Variants in ANKS1B observed in about 807,000 individuals in gnomAD.
ANKS1B encodes ankyrin repeat and sterile alpha motif domain-containing protein 1B.
Under a neutral mutation model 148.3 loss-of-function variants are expected in ANKS1B, and 36 were observed. The ratio of observed to expected loss-of-function variants is 0.24; its 90% CI spans 0.19 to 0.32. ANKS1B has a LOEUF of 0.32. Ranked by LOEUF, ANKS1B falls within the 10% of genes least tolerant of loss-of-function variation. The pLI, the probability that ANKS1B is intolerant of heterozygous loss-of-function variation, is 1.00. For missense variants in ANKS1B, 1,157 were observed against 1,542.6 expected, an observed-to-expected ratio of 0.75 and a Z score of 4.19; for synonymous variants, 542 against 560.8, an observed-to-expected ratio of 0.97 and a Z score of 0.47.
At chr12:99,567,550 C>G (rs2097408972) in intron 9 of ANKS1B, among the ~76,000 whole-genome samples, 1 of 152,004 alleles carries the variant, frequency 6.6e-6, no homozygotes, top group Admixed American at 6.6e-5. Context: ...GCTGAACAAC[C>G]TTGGTTCAGA....
At chr12:99,339,165 G>T (rs1566922554) in intron 12 of ANKS1B, among the ~76,000 whole-genome samples, 2 of 152,138 alleles carry the variant, frequency 1.3e-5, no homozygotes, top group Non-Finnish European at 2.9e-5. Context: ...GGGCACTTTA[G>T]CCCACAGTGG....
At chr12:99,354,886 G>T (rs976138253) in intron 12 of ANKS1B, among the ~76,000 whole-genome samples, 1 of 151,970 alleles carries the variant, frequency 6.6e-6, no homozygotes, top group African/African-American at 2.4e-5. Flanking sequence ...AGTTGGGAGG[G>T]TATTAGCATA....
At chr12:99,773,673 A>T (rs1446384373) in intron 7 of ANKS1B, among the ~76,000 whole-genome samples, 1 of 152,132 alleles carries the variant, frequency 6.6e-6, no homozygotes, top group African/African-American at 2.4e-5. Flanking sequence ...TCAGAAAGAT[A>T]CCTTATACCT....
At chr12:99,522,858 T>C (rs2096888687) in intron 9 of ANKS1B, among the ~76,000 whole-genome samples, 1 of 152,162 alleles carries the variant, frequency 6.6e-6, no homozygotes, top group Non-Finnish European at 1.5e-5. Flanking sequence ...CACAATTTCA[T>C]AAAAGGCGGG....
intron 11 of ANKS1B, among the ~76,000 whole-genome samples, chr12:99,415,973 G>A (rs1374423120): frequency 1.3e-5 from 2 of 151,868 alleles, no homozygotes. Context: ...GTGAACCACC[G>A]CGCCAGGCCC....
At chr12:99,155,142 A>G in intron 14 of ANKS1B, 1 of 1,480,630 alleles carries the variant, frequency 6.8e-7, no homozygotes. Flanking sequence ...GGAAATGCGA[A>G]GCTTGAACTA....
intron 12 of ANKS1B, among the ~76,000 whole-genome samples, chr12:99,253,358 A>G (rs1457940335): frequency 6.6e-6 from 1 of 152,142 alleles, no homozygotes; most frequent in African/African-American, 2.4e-5. Context: ...CATGGAACTC[A>G]AGAACACTGA....
chr12:98,926,287 C>T (rs971027633), intron 17 of ANKS1B, among the ~76,000 whole-genome samples: 7 of 152,114 alleles, frequency 4.6e-5, no homozygotes, highest in Non-Finnish European at 1.0e-4. Context: ...AATTGGTAAG[C>T]TAACTGAGCA....
chr12:99,980,647 TAGAGA>T (rs796854867), intron 1 of ANKS1B, among the ~76,000 whole-genome samples: 20 of 151,904 alleles, frequency 1.3e-4, no homozygotes, highest in African/African-American at 2.9e-4. Flanking sequence ...AAAGAGAGAG[TAGAGA>T]AAAGTATGAA....
At chr12:98,884,543 T>C (rs2099732736) in intron 17 of ANKS1B, among the ~76,000 whole-genome samples, 1 of 152,108 alleles carries the variant, frequency 6.6e-6, no homozygotes, top group Non-Finnish European at 1.5e-5. Context: ...CTCACGCCTG[T>C]AATCCCAGCA....
At chr12:98,972,030 T>C (rs771870531) in intron 17 of ANKS1B, among the ~76,000 whole-genome samples, 1 of 152,050 alleles carries the variant, frequency 6.6e-6, no homozygotes, top group African/African-American at 2.4e-5. Flanking sequence ...TAGCCGGGCG[T>C]GGTGGCGTGC....
chr12:99,880,831 T>G (rs1191193027), intron 1 of ANKS1B, among the ~76,000 whole-genome samples: 1 of 152,206 alleles, frequency 6.6e-6, no homozygotes, highest in Admixed American at 6.5e-5. Flanking sequence ...CAGAAGTTCT[T>G]AATTAACTAA....
chr12:99,755,763 T>A (rs2061513556), intron 8 of ANKS1B, among the ~76,000 whole-genome samples: 1 of 151,998 alleles, frequency 6.6e-6, no homozygotes, highest in South Asian at 2.1e-4. Flanking sequence ...ATCACATAAT[T>A]ATCACAATAG....
At chr12:98,935,577 G>C (rs1027502119) in intron 17 of ANKS1B, among the ~76,000 whole-genome samples, 4 of 152,194 alleles carry the variant, frequency 2.6e-5, no homozygotes, top group Admixed American at 2.6e-4. Flanking sequence ...ATGTTTGGTA[G>C]AACTCACCAG....
chr12:98,785,199 G>A (rs949512582), intron 22 of ANKS1B, among the ~76,000 whole-genome samples: 1 of 152,222 alleles, frequency 6.6e-6, no homozygotes. Flanking sequence ...GCTAGGCATG[G>A]TGGCTCATGC....
At chr12:99,183,605 T>G (rs538422830) in intron 14 of ANKS1B, among the ~76,000 whole-genome samples, 2 of 152,326 alleles carry the variant, frequency 1.3e-5, no homozygotes, top group East Asian at 3.9e-4. Context: ...ATCGTGTCAC[T>G]GCACTCCAGC....
At chr12:99,929,278 G>A (rs946135666) in intron 1 of ANKS1B, among the ~76,000 whole-genome samples, 1 of 151,958 alleles carries the variant, frequency 6.6e-6, no homozygotes, top group African/African-American at 2.4e-5. Context: ...TGTGTTTTTT[G>A]GCTGCATAAA....
intron 8 of ANKS1B, among the ~76,000 whole-genome samples, chr12:99,709,222 A>G: frequency 6.6e-6 from 1 of 152,174 alleles, no homozygotes; most frequent in East Asian, 1.9e-4. Context: ...CTAAAAGTGA[A>G]CACTTAAAGA....
intron 17 of ANKS1B, among the ~76,000 whole-genome samples, chr12:98,957,987 G>A (rs1456172535): frequency 1.3e-5 from 2 of 152,132 alleles, no homozygotes; most frequent in Non-Finnish European, 2.9e-5. Flanking sequence ...GTAAATAGAT[G>A]GGAGGTGGGT....
Sources: gnomAD v4.1 joint callset for allele counts (sites outside exome capture counted in the v4.1 genomes callset) on GRCh38, gnomAD v4.1.1 for gene constraint, MANE v1.5 for transcripts, NCBI Gene and HGNC (gene_info 2026-07-23, HGNC 2026-07-21) for gene names.